Variants in DHRSX observed in about 807,000 individuals in gnomAD.
The protein encoded by DHRSX is dehydrogenase/reductase X-linked, also known as polyprenol dehydrogenase.
In DHRSX, 31 loss-of-function variants were observed where a neutral mutation model predicts 34.0. The observed-to-expected ratio is 0.91, with a 90% CI of 0.69 to 1.23. The LOEUF (loss-of-function observed/expected upper bound fraction) is 1.23, where lower values mean the gene tolerates loss of function less well. Among genes scored for constraint, DHRSX ranks in the 50% most tolerant of loss-of-function variants. DHRSX has a pLI of 0.00. For synonymous variants in DHRSX, 201 were observed against 183.8 expected, an observed-to-expected ratio of 1.09 and a Z score of -0.76; for missense variants, 414 against 428.1, an observed-to-expected ratio of 0.97 and a Z score of 0.29.
Position 2,356,619 on chromosome X carries a change from T to TA in DHRSX, c.286+52125dup, listed in dbSNP as rs368604798. Among the ~76,000 whole-genome samples, 22 of 152,240 alleles carry TA rather than the reference T, an allele frequency of 1.4e-4. 1 individual carries two copies. Among genetic ancestry groups the TA allele is most frequent in the African/African-American group, 4.8e-4 (20 of 41,556 alleles). ...AGGTTTGGACTGTACAGGTCAGTTATATGTGGATTTTCTTCTGCCTCTGCC... is the reference window on the plus strand; with the variant it reads ...AGGTTTGGACTGTACAGGTCAGTTATAATGTGGATTTTCTTCTGCCTCTGCC... On this transcript the variant is annotated intron_variant, in intron 3 of 6. Transcript: ENST00000334651.
intron 1 of DHRSX, among the ~76,000 whole-genome samples, chrX:2,471,068 T>C (rs2044585406): frequency 6.6e-6 from 1 of 152,222 alleles, no homozygotes; most frequent in Admixed American, 6.5e-5. Flanking sequence ...GTACCTCATA[T>C]ACGTGTATAC....
chrX:2,453,755 AG>A (rs1475469134), intron 1 of DHRSX, among the ~76,000 whole-genome samples: 1 of 152,172 alleles, frequency 6.6e-6, no homozygotes, highest in Non-Finnish European at 1.5e-5. Flanking sequence ...CAGTGATGAT[AG>A]TTAATAATAC....
chrX:2,412,198 G>C (rs182754631), intron 2 of DHRSX, among the ~76,000 whole-genome samples: 178 of 152,272 alleles, frequency 1.2e-3, no homozygotes, highest in African/African-American at 4.0e-3. Flanking sequence ...TTTGTATTTG[G>C]GGGGGCAGGG....
At chrX:2,241,255 T>C (rs781161334) in intron 6 of DHRSX, among the ~76,000 whole-genome samples, 1 of 152,210 alleles carries the variant, frequency 6.6e-6, no homozygotes, top group South Asian at 2.1e-4. Context: ...AGTTAATGCA[T>C]CACGACAACG....
intron 3 of DHRSX, among the ~76,000 whole-genome samples, chrX:2,386,156 A>ATTATTTATTTATTTATTTAT (rs768572407): frequency 6.9e-6 from 1 of 143,924 alleles, no homozygotes. Flanking sequence ...TAGATAATCA[A>ATTATTTATTTATTTATTTAT]TTATTTATTT....
intron 3 of DHRSX, among the ~76,000 whole-genome samples, chrX:2,381,716 G>C (rs1330255233): frequency 6.7e-6 from 1 of 148,686 alleles, no homozygotes; most frequent in East Asian, 2.0e-4. Context: ...CGTTCCCTAA[G>C]AGCGACAGGT....
At chrX:2,497,063 G>A (rs1005310483) in intron 1 of DHRSX, among the ~76,000 whole-genome samples, 7 of 152,070 alleles carry the variant, frequency 4.6e-5, no homozygotes, top group African/African-American at 7.2e-5. Context: ...AACAAAAACT[G>A]TCTGGGGTCC....
chrX:2,373,664 G>C (rs757437490), intron 3 of DHRSX, among the ~76,000 whole-genome samples: 6 of 152,290 alleles, frequency 3.9e-5, no homozygotes, highest in Non-Finnish European at 8.8e-5. Context: ...GTTGTATCTG[G>C]AGCTGAAGTT....
intron 3 of DHRSX, among the ~76,000 whole-genome samples, chrX:2,324,769 C>CTTTTTTTT (rs570670358): frequency 4.6e-5 from 6 of 131,030 alleles, no homozygotes; most frequent in African/African-American, 1.7e-4. Context: ...TTTTTCTTTT[C>CTTTTTTTT]TTTTTTTTTT....
At chrX:2,247,655 CA>C (rs752111695) in intron 5 of DHRSX, among the ~76,000 whole-genome samples, 7,244 of 96,988 alleles carry the variant, frequency 0.075, 346 homozygotes, top group African/African-American at 0.21. Flanking sequence ...CTCCGTCTCA[CA>C]AAAAAAAAAA....
intron 3 of DHRSX, among the ~76,000 whole-genome samples, chrX:2,381,906 A>G (rs1247364748): frequency 6.6e-6 from 1 of 151,868 alleles, no homozygotes; most frequent in Non-Finnish European, 1.5e-5. Context: ...CAGAGCCTAG[A>G]TGTGCAAATC....
intron 5 of DHRSX, among the ~76,000 whole-genome samples, chrX:2,243,545 G>A (rs2016194773): frequency 6.6e-6 from 1 of 151,952 alleles, no homozygotes; most frequent in African/African-American, 2.4e-5. Flanking sequence ...GGAGTGCAGT[G>A]GTGCAATCTT....
At chrX:2,318,990 C>T (rs1418973878) in intron 3 of DHRSX, among the ~76,000 whole-genome samples, 1 of 152,060 alleles carries the variant, frequency 6.6e-6, no homozygotes, top group Non-Finnish European at 1.5e-5. Flanking sequence ...ATGGTCTAAC[C>T]CGGGGTTGGT....
intron 1 of DHRSX, among the ~76,000 whole-genome samples, chrX:2,448,489 G>A (rs1755870577): frequency 6.7e-6 from 1 of 149,848 alleles, no homozygotes; most frequent in South Asian, 2.1e-4. Context: ...AAAAAAAGTA[G>A]GTGAGGTGAT....
intron 3 of DHRSX, among the ~76,000 whole-genome samples, chrX:2,332,940 G>A (rs73189625): frequency 6.6e-6 from 1 of 152,024 alleles, no homozygotes; most frequent in Admixed American, 6.6e-5. Context: ...GACTATGGGC[G>A]TGAGGTAACT....
intron 1 of DHRSX, among the ~76,000 whole-genome samples, chrX:2,437,886 C>A (rs1391055999): frequency 6.6e-6 from 1 of 151,900 alleles, no homozygotes; most frequent in Non-Finnish European, 1.5e-5. Flanking sequence ...TAATTAAGAA[C>A]CTTCAGAGTC....
intron 6 of DHRSX, among the ~76,000 whole-genome samples, chrX:2,238,705 T>C (rs1260685364): frequency 6.6e-6 from 1 of 151,054 alleles, no homozygotes; most frequent in African/African-American, 2.4e-5. Context: ...TGCCTCAGCC[T>C]CCCGAGTAGC....
chrX:2,345,437 G>A (rs1422020876), intron 3 of DHRSX, among the ~76,000 whole-genome samples: 2 of 151,856 alleles, frequency 1.3e-5, no homozygotes, highest in South Asian at 4.2e-4. Flanking sequence ...GAGGTCAGGA[G>A]TTTGAGATCA....
chrX:2,475,078 C>CCACCATG (rs1247323478), intron 1 of DHRSX, among the ~76,000 whole-genome samples: 1 of 151,274 alleles, frequency 6.6e-6, no homozygotes, highest in African/African-American at 2.4e-5. Context: ...TGAGGGACTG[C>CCACCATG]TACCATGTGC....
Sources: allele counts gnomAD v4.1 joint callset (sites outside exome capture counted in the v4.1 genomes callset), GRCh38; gene constraint gnomAD v4.1.1; transcripts MANE v1.5; gene names NCBI Gene and HGNC (gene_info 2026-07-23, HGNC 2026-07-21).